COL13A1: variants seen among roughly 807,000 people sequenced by gnomAD.
COL13A1 encodes collagen type XIII alpha 1 chain.
COL13A1 carries 89 observed loss-of-function variants against 130.9 expected under a neutral mutation model. That is an observed-to-expected ratio of 0.68 (90% CI 0.57 to 0.81). The LOEUF (loss-of-function observed/expected upper bound fraction) is 0.81, where lower values mean the gene tolerates loss of function less well. Among genes scored for constraint, COL13A1 ranks in the 30% least tolerant of loss-of-function variants. The probability of loss-of-function intolerance (pLI) is 0.00; values close to 1 mark genes in which losing one functional copy is unlikely to be tolerated. For missense variants in COL13A1, 879 were observed against 934.6 expected (o/e 0.94, Z 0.78); for synonymous variants, 402 against 341.6 (o/e 1.18, Z -1.95).
chr10:69,828,748 G>A (rs1227756), intron 2 of COL13A1, among the ~76,000 whole-genome samples: 70,980 of 152,016 alleles, frequency 0.47, 17,141 homozygotes, highest in Non-Finnish European at 0.54. Flanking sequence ...GTATGTTAAC[G>A]TAATGCCTGG....
intron 6 of COL13A1, among the ~76,000 whole-genome samples, chr10:69,878,991 AT>A (rs1252713447): frequency 6.6e-6 from 1 of 152,280 alleles, no homozygotes; most frequent in Non-Finnish European, 1.5e-5. Flanking sequence ...CTCAACAATT[AT>A]AATACAGTTG....
intron 3 of COL13A1, among the ~76,000 whole-genome samples, chr10:69,871,112 A>G (rs12146381): frequency 0.22 from 33,329 of 151,700 alleles, 3,789 homozygotes; most frequent in Middle Eastern, 0.29. Flanking sequence ...GGAGGTCACT[A>G]CCCCACTTCT....
chr10:69,941,828 A>T (rs3793818), intron 35 of COL13A1, among the ~76,000 whole-genome samples: 2 of 151,932 alleles, frequency 1.3e-5, no homozygotes, highest in Non-Finnish European at 2.9e-5. Flanking sequence ...TCTGAGGTCA[A>T]CCTTCCCAGG....
At chr10:69,878,826 A>T (rs549932920) in intron 6 of COL13A1, among the ~76,000 whole-genome samples, 7 of 152,364 alleles carry the variant, frequency 4.6e-5, no homozygotes, top group African/African-American at 1.7e-4. Flanking sequence ...GAGGAAACTC[A>T]TCTGATGCCC....
chr10:69,874,795 T>C (rs1186014094), intron 4 of COL13A1, among the ~76,000 whole-genome samples: 3 of 152,160 alleles, frequency 2.0e-5, no homozygotes, highest in Admixed American at 1.3e-4. Context: ...ATGGCTGGAA[T>C]TGATGCAACA....
chr10:69,888,727 C>T lies in COL13A1; in HGVS notation c.576+397C>T, dbSNP rs376188021. Among the ~76,000 whole-genome samples the T allele has an allele frequency of 3.3e-5, 5 of 152,282 alleles. No individual in the cohort carries two copies. The East Asian group carries it at 7.7e-4, about 24-fold the overall frequency. Reference sequence around the variant, plus strand: ...CACCTGTGTCTCCCATGGCCCTGTCCTCGAGGTCAGGGTCTCCCTCCCCGA... The same window carrying T: ...CACCTGTGTCTCCCATGGCCCTGTCTTCGAGGTCAGGGTCTCCCTCCCCGA... On this transcript the variant is annotated intron_variant, in intron 9 of 40. Coordinates refer to ENST00000645393, the MANE Select transcript of COL13A1 (RefSeq NM_001368882.1).
chr10:69,930,100 G>A lies in COL13A1; in HGVS notation c.1530+13G>A, dbSNP rs895397855. 8.1e-6 allele frequency: 13 copies of A among 1,613,464 alleles called. No individual in the cohort carries two copies. Among genetic ancestry groups the A allele is most frequent in the East Asian group, 4.5e-5 (2 of 44,856 alleles). ...CGATGGGGAAAAGGTATGAACAGAC[G>A]TCCTCTGGTCAAACCTCTGAAGACA... On this transcript the variant is annotated intron_variant, in intron 29 of 40. Transcript: ENST00000645393.
chr10:69,878,487 C>CTT (rs5785955), intron 6 of COL13A1, among the ~76,000 whole-genome samples: 8 of 146,958 alleles, frequency 5.4e-5, no homozygotes, highest in East Asian at 2.0e-4. Context: ...AGCAACACTT[C>CTT]TTTTTTTTTT....
chr10:69,938,794 C>T (rs1331711723), intron 34 of COL13A1, among the ~76,000 whole-genome samples: 1 of 152,192 alleles, frequency 6.6e-6, no homozygotes, highest in Non-Finnish European at 1.5e-5. Flanking sequence ...AGAAGCCAAT[C>T]TGCTTGACAG....
intron 2 of COL13A1, among the ~76,000 whole-genome samples, chr10:69,832,064 C>G (rs932790114): frequency 6.6e-6 from 1 of 152,094 alleles, no homozygotes; most frequent in Non-Finnish European, 1.5e-5. Flanking sequence ...TAGTCTTTGC[C>G]CAGTTGCATT....
intron 1 of COL13A1, among the ~76,000 whole-genome samples, chr10:69,802,921 C>A (rs184087294): frequency 2.0e-5 from 3 of 152,320 alleles, no homozygotes; most frequent in Admixed American, 2.0e-4. Context: ...CATGACCCAG[C>A]GACTCCCGCC....
intron 2 of COL13A1, among the ~76,000 whole-genome samples, chr10:69,861,934 T>C (rs181063924): frequency 6.6e-6 from 1 of 152,168 alleles, no homozygotes; most frequent in African/African-American, 2.4e-5. Flanking sequence ...ATAGGACAGA[T>C]GTGAGCTGTG....
intron 14 of COL13A1, among the ~76,000 whole-genome samples, chr10:69,899,868 C>T (rs544232860): frequency 1.3e-5 from 2 of 152,268 alleles, no homozygotes; most frequent in African/African-American, 2.4e-5. Context: ...CAAGCCTGAC[C>T]GCAGAGCCTC....
intron 26 of COL13A1, 103 bp from the exon 27 acceptor site, chr10:69,926,984 C>T: frequency 6.4e-7 from 1 of 1,553,826 alleles, no homozygotes; most frequent in South Asian, 1.1e-5. Context: ...ACCCACGCTC[C>T]TTTGAGGGGC....
At chr10:69,871,322 G>A (rs144420198) in intron 3 of COL13A1, among the ~76,000 whole-genome samples, 13 of 152,304 alleles carry the variant, frequency 8.5e-5, no homozygotes, top group African/African-American at 2.6e-4. Context: ...GGATTACTGA[G>A]AGGTCCACAT....
At chr10:69,843,925 G>A (rs146344679) in intron 2 of COL13A1, among the ~76,000 whole-genome samples, 92 of 152,276 alleles carry the variant, frequency 6.0e-4, no homozygotes, top group Non-Finnish European at 1.2e-3. Context: ...TGGGCCAGGC[G>A]CTGTTATCAT....
intron 2 of COL13A1, among the ~76,000 whole-genome samples, chr10:69,863,364 G>T (rs766245348): frequency 6.6e-6 from 1 of 152,180 alleles, no homozygotes; most frequent in Non-Finnish European, 1.5e-5. Context: ...GGTCTGAGGG[G>T]AGCCCGTGAT....
In COL13A1 at chr10:69,895,642, G is replaced by C. The variant is rs1589363245; in HGVS notation, c.684+66G>C. ...TCCCTGGGGCACAGCGCCCAGCTCA[G>C]CCTCATCTCCCTGGGGTCTCCAGTT... On this transcript the variant is annotated intron_variant, in intron 13 of 40. Coordinates refer to ENST00000645393, the MANE Select transcript of COL13A1 (RefSeq NM_001368882.1). The C allele has an allele frequency of 7.1e-6, 11 of 1,558,618 alleles. No homozygotes were observed. The Middle Eastern group carries it at 5.0e-4, about 71-fold the overall frequency.
Position 69,930,430 on chromosome 10 carries a change from C to T in COL13A1, c.1561C>T (p.Pro521Ser). The change falls in exon 30 of 41, where the codon CCT (proline) becomes TCT (serine). Residue 521 changes from proline (P) to serine (S), a missense_variant. Pro to Ser is a moderately conservative substitution (Grantham distance 74). This residue lies in a region of COL13A1 where 715 missense variants were observed against 721.0 expected (regional missense o/e 0.99). Coordinates refer to ENST00000645393, the MANE Select transcript of COL13A1 (RefSeq NM_001368882.1). Reference protein sequence around the residue: ...GPRGKPGDMGPPGPQGPPGKD... With the variant: ...GPRGKPGDMGSPGPQGPPGKD... ...TCGCGGTAAACCAGGAGACATGGGC[C>T]CTCCTGGTCCCCAAGGCCCCCCAGG... is the stretch of plus-strand genomic sequence containing the variant. 2 of 1,612,364 alleles carry T rather than the reference C, an allele frequency of 1.2e-6. No individual in the cohort carries two copies.
Sources: allele counts gnomAD v4.1 joint callset (sites outside exome capture counted in the v4.1 genomes callset), GRCh38; gene constraint gnomAD v4.1.1; regional missense constraint gnomAD v4.1.1; transcripts MANE v1.5; gene names NCBI Gene and HGNC (gene_info 2026-07-23, HGNC 2026-07-21).